The following MORN5 variants were observed in gnomAD, a reference collection of about 807,000 sequenced individuals.
MORN5 encodes the protein MORN repeat-containing protein 5.
Under a neutral mutation model 22.1 loss-of-function variants are expected in MORN5, and 21 were observed. The ratio of observed to expected loss-of-function variants is 0.95; its 90% CI spans 0.67 to 1.37. The LOEUF (loss-of-function observed/expected upper bound fraction) is 1.37. MORN5 is among the 40% of genes most tolerant of loss of function. The probability of loss-of-function intolerance (pLI) is 0.00; values close to 1 mark genes in which losing one functional copy is unlikely to be tolerated. For missense variants in MORN5, 211 were observed against 215.1 expected (o/e 0.98, Z 0.12); for synonymous variants, 73 against 74.0 (o/e 0.99, Z 0.07).
At chr9:122,199,825 C>G (rs1215372544) in intron 4 of MORN5, 60 bp from the exon 5 acceptor site, 1 of 1,585,502 alleles carries the variant, frequency 6.3e-7, no homozygotes, top group Admixed American at 1.7e-5. Context: ...GGGAACCCCC[C>G]AGGCCAGGAA....
chr9:122,162,939 G>C (rs1829223747), intron 1 of MORN5, among the ~76,000 whole-genome samples: 1 of 151,442 alleles, frequency 6.6e-6, no homozygotes, highest in Non-Finnish European at 1.5e-5. Context: ...GTGTCAAATT[G>C]TACACTTTAA....
intron 4 of MORN5, among the ~76,000 whole-genome samples, chr9:122,192,755 T>C (rs778673271): frequency 1.3e-5 from 2 of 152,182 alleles, no homozygotes; most frequent in Non-Finnish European, 2.9e-5. Context: ...CCCAATCTAT[T>C]GCCCCAAATC....
At chr9:122,169,190 CT>C (rs1564415996) in intron 2 of MORN5, among the ~76,000 whole-genome samples, 1 of 152,300 alleles carries the variant, frequency 6.6e-6, no homozygotes, top group Admixed American at 6.5e-5. Flanking sequence ...TGAATCCCTT[CT>C]AGAAACGCCC....
intron 2 of MORN5, among the ~76,000 whole-genome samples, chr9:122,168,999 G>C (rs529775278): frequency 1.3e-5 from 2 of 152,202 alleles, no homozygotes. Context: ...GAGTTCAAAG[G>C]CCTGAGAACC....
intron 3 of MORN5, 80 bp from the exon 4 acceptor site, chr9:122,174,416 G>C: frequency 3.3e-6 from 5 of 1,515,288 alleles, no homozygotes; most frequent in Non-Finnish European, 4.5e-6. Flanking sequence ...TGAGCCACCA[G>C]CCACAAGTGG....
intron 4 of MORN5, among the ~76,000 whole-genome samples, chr9:122,179,814 T>C (rs1829510546): frequency 6.6e-6 from 1 of 152,160 alleles, no homozygotes; most frequent in Non-Finnish European, 1.5e-5. Context: ...TCTTCTGTTT[T>C]CCCCAGGGAC....
intron 4 of MORN5, among the ~76,000 whole-genome samples, chr9:122,186,861 A>T (rs1258534687): frequency 1.3e-5 from 2 of 152,162 alleles, no homozygotes; most frequent in Non-Finnish European, 2.9e-5. Flanking sequence ...TCTCAGCCCA[A>T]GCTCTGGAAC....
intron 4 of MORN5, among the ~76,000 whole-genome samples, chr9:122,180,578 G>A (rs188224175): frequency 2.0e-5 from 3 of 152,170 alleles, no homozygotes; most frequent in Admixed American, 1.3e-4. Flanking sequence ...GAGCCACTGC[G>A]CTCGGCCCGA....
chr9:122,187,402 G>A (rs777812969), intron 4 of MORN5, among the ~76,000 whole-genome samples: 12 of 152,252 alleles, frequency 7.9e-5, no homozygotes, highest in South Asian at 2.1e-4. Flanking sequence ...CATCCTCATC[G>A]TTTCTTATGC....
intron 1 of MORN5, among the ~76,000 whole-genome samples, chr9:122,160,554 C>T (rs539848333): frequency 9.3e-5 from 14 of 150,886 alleles, no homozygotes; most frequent in Non-Finnish European, 1.8e-4. Context: ...TCCTTCCTTC[C>T]TTCCTTCCTT....
intron 4 of MORN5, among the ~76,000 whole-genome samples, chr9:122,195,323 C>T (rs887195466): frequency 2.6e-5 from 4 of 152,198 alleles, no homozygotes; most frequent in African/African-American, 9.6e-5. Flanking sequence ...GTACATCTGT[C>T]ACAGTTAGTG....
intron 4 of MORN5, among the ~76,000 whole-genome samples, chr9:122,189,459 G>A (rs910900541): frequency 3.9e-5 from 6 of 152,104 alleles, no homozygotes; most frequent in Non-Finnish European, 8.8e-5. Flanking sequence ...AATTAGCCAG[G>A]GGTGGTGGCA....
chr9:122,164,056 T>C (rs1829241483), intron 1 of MORN5, among the ~76,000 whole-genome samples: 1 of 152,222 alleles, frequency 6.6e-6, no homozygotes, highest in African/African-American at 2.4e-5. Context: ...AGCTAATTGA[T>C]AGGTATTTGA....
chr9:122,168,783 G>A (rs1829324055), intron 2 of MORN5, among the ~76,000 whole-genome samples: 1 of 152,140 alleles, frequency 6.6e-6, no homozygotes, highest in South Asian at 2.1e-4. Flanking sequence ...GTGTCAGTCA[G>A]GGTTCTTCAG....
intron 1 of MORN5, among the ~76,000 whole-genome samples, chr9:122,163,471 G>C (rs753689978): frequency 1.3e-5 from 2 of 152,250 alleles, no homozygotes; most frequent in African/African-American, 2.4e-5. Flanking sequence ...GTCCTTAAAG[G>C]CTTCGTGGAA....
At chr9:122,163,775 G>A (rs771324551) in intron 1 of MORN5, among the ~76,000 whole-genome samples, 1 of 152,218 alleles carries the variant, frequency 6.6e-6, no homozygotes, top group Non-Finnish European at 1.5e-5. Flanking sequence ...GTAGGGCCAA[G>A]CATCAGGAAA....
intron 4 of MORN5, among the ~76,000 whole-genome samples, chr9:122,181,313 G>A (rs531270780): frequency 1.3e-4 from 20 of 152,208 alleles, no homozygotes; most frequent in African/African-American, 2.4e-4. Context: ...TTTGAGCTCC[G>A]GGTCCTTCCA....
intron 4 of MORN5, among the ~76,000 whole-genome samples, chr9:122,179,584 G>C (rs886150877): frequency 6.6e-6 from 1 of 152,140 alleles, no homozygotes; most frequent in African/African-American, 2.4e-5. Context: ...TTTAAAATGA[G>C]AGAGTTGAAC....
chr9:122,185,274 G>C (rs187122009), intron 4 of MORN5, among the ~76,000 whole-genome samples: 29 of 151,666 alleles, frequency 1.9e-4, no homozygotes, highest in Admixed American at 1.4e-3. Flanking sequence ...CCAGGCTGGA[G>C]TGCAGTGGTG....
Sources: gnomAD v4.1 joint callset for allele counts (sites outside exome capture counted in the v4.1 genomes callset) on GRCh38, gnomAD v4.1.1 for gene constraint, MANE v1.5 for transcripts, NCBI Gene and HGNC (gene_info 2026-07-23, HGNC 2026-07-21) for gene names.